MET: variants seen among roughly 807,000 people sequenced by gnomAD.
The protein encoded by MET is hepatocyte growth factor receptor.
Under a neutral mutation model 133.1 loss-of-function variants are expected in MET, and 48 were observed. That is an observed-to-expected ratio of 0.36 (90% CI 0.29 to 0.46). The LOEUF (loss-of-function observed/expected upper bound fraction) is 0.46, where lower values mean the gene tolerates loss of function less well. MET is among the 20% of genes least tolerant of loss of function. The pLI is 1.00. For missense variants in MET, 1,442 were observed against 1,695.9 expected, an observed-to-expected ratio of 0.85 and a Z score of 2.63; for synonymous variants, 628 against 616.5, an observed-to-expected ratio of 1.02 and a Z score of -0.28.
intron 2 of MET, chr7:116,724,964 AAATGCTAAGGTCATGCAACTCATC>A (rs1315302912): frequency 4.2e-5 from 37 of 886,462 alleles, no homozygotes; most frequent in Non-Finnish European, 5.7e-5. Flanking sequence ...CACTAGGAAC[AAATGCTAAGGTCATGCAACTCATC>A]AATGCCTCCC....
intron 9 of MET, 116 bp from the exon 10 acceptor site, chr7:116,759,275 T>G: frequency 6.8e-7 from 1 of 1,469,524 alleles, no homozygotes; most frequent in Non-Finnish European, 9.2e-7. Flanking sequence ...TTCCATTTGA[T>G]GTTGACTGTG....
intron 6 of MET, among the ~76,000 whole-genome samples, chr7:116,757,099 A>G (rs1327962009): frequency 6.6e-6 from 1 of 151,924 alleles, no homozygotes; most frequent in East Asian, 1.9e-4. Context: ...TTAATTAACC[A>G]GATGCCGTGG....
At chr7:116,684,969 G>A (rs929303688) in intron 1 of MET, among the ~76,000 whole-genome samples, 6 of 152,150 alleles carry the variant, frequency 3.9e-5, no homozygotes, top group Non-Finnish European at 7.4e-5. Flanking sequence ...CCTGACCATG[G>A]GCATGGAAGC....
chr7:116,726,667 C>G (rs552625914), intron 2 of MET, among the ~76,000 whole-genome samples: 1 of 152,256 alleles, frequency 6.6e-6, no homozygotes, highest in East Asian at 1.9e-4. Context: ...CTCGGGATAA[C>G]CACTCTGAGA....
rs2116828679 is a variant in MET at position 116,740,092 on chromosome 7, G to C, written c.1527+8G>C. On this transcript the variant is annotated splice_region_variant and intron_variant, in intron 4 of 20. Transcript: ENST00000397752. Reference sequence around the variant, plus strand: ...GTTATCACTGGGAAGAAGGTAAGCTGTTCCCACAGGGAATTTCCATAGACG... The same window carrying C: ...GTTATCACTGGGAAGAAGGTAAGCTCTTCCCACAGGGAATTTCCATAGACG... 1 of 1,613,962 alleles carries C rather than the reference G, an allele frequency of 6.2e-7. No homozygotes were observed. The highest frequency in any genetic ancestry group is 8.5e-7 in the Non-Finnish European group (1 of 1,179,872).
rs879254339 is a variant in MET, at chr7:116,699,446, T to C, written c.362T>C (p.Val121Ala). ...AAAGATAACATCAACATGGCTCTAG[T>C]TGTCGACACCTACTATGATGATCAA... ...VWKDNINMAL[V>A]VDTYYDDQLI... Residue 121 changes from valine (V) to alanine (A), a missense_variant, in exon 2 of 21, where the codon GTT (valine) becomes GCT (alanine). Coordinates refer to ENST00000397752, the MANE Select transcript of MET (RefSeq NM_000245.4). 11 of 1,613,942 alleles carry C rather than the reference T, an allele frequency of 6.8e-6. No homozygotes were observed. Among genetic ancestry groups the C allele is most frequent in the South Asian group, 2.2e-5 (2 of 91,094 alleles).
At chr7:116,758,837 T>C (rs1794288242) in intron 9 of MET, among the ~76,000 whole-genome samples, 1 of 152,218 alleles carries the variant, frequency 6.6e-6, no homozygotes, top group Non-Finnish European at 1.5e-5. Flanking sequence ...TCTTATCCTG[T>C]TCTATTACAT....
chr7:116,780,107 G>GA (rs1795110539), intron 17 of MET, among the ~76,000 whole-genome samples: 1 of 152,166 alleles, frequency 6.6e-6, no homozygotes, highest in Non-Finnish European at 1.5e-5. Flanking sequence ...ATTGTTGAAT[G>GA]AATCAGCTAA....
At chr7:116,756,802 A>G (rs1298999049) in intron 6 of MET, among the ~76,000 whole-genome samples, 2 of 152,204 alleles carry the variant, frequency 1.3e-5, no homozygotes, top group Non-Finnish European at 2.9e-5. Flanking sequence ...TCTGAAGTGG[A>G]CCAAAGATTA....
At chr7:116,772,892 T>C (rs1225003038) in intron 14 of MET, among the ~76,000 whole-genome samples, 1 of 152,206 alleles carries the variant, frequency 6.6e-6, no homozygotes, top group Non-Finnish European at 1.5e-5. Flanking sequence ...TTTGCCCTGA[T>C]TCCATTCACC....
chr7:116,701,323 G>T (rs894167708), intron 2 of MET, among the ~76,000 whole-genome samples: 1 of 152,044 alleles, frequency 6.6e-6, no homozygotes, highest in Non-Finnish European at 1.5e-5. Context: ...ACTTTAACAG[G>T]TTTCAATCTA....
At position 116,774,938 on chromosome 7, in the gene MET, C is replaced by T. The variant is rs1442033161; in HGVS notation, c.3086C>T (p.Thr1029Ile). ...TGCCGACAAGTGCAGTATCCTCTGA[C>T]AGACATGTCCCCCATCCTAACTAGT... ...GSCRQVQYPL[T>I]DMSPILTSGD... Residue 1029 changes from threonine (T) to isoleucine (I), a missense_variant, in exon 15 of 21, where the codon ACA (threonine) becomes ATA (isoleucine). Thr to Ile is a moderately conservative substitution (Grantham distance 89). Around this residue, in one of 6 missense-constraint regions of MET, gnomAD observed 514 missense variants for 659.6 expected, o/e 0.78. Coordinates refer to ENST00000397752, the MANE Select transcript of MET (RefSeq NM_000245.4). 1.2e-6 allele frequency: 2 copies of T among 1,614,188 alleles called. No homozygotes were observed. Among genetic ancestry groups the T allele is most frequent in the Admixed American group, 1.7e-5 (1 of 60,026 alleles).
At chr7:116,723,901 A>G (rs909791844) in intron 2 of MET, among the ~76,000 whole-genome samples, 107 of 152,302 alleles carry the variant, frequency 7.0e-4, no homozygotes, top group African/African-American at 2.4e-3. Context: ...TCAGACAGGG[A>G]CATTTAAGTC....
chr7:116,716,477 G>GAAAGAAAGA (rs1792224997), intron 2 of MET, among the ~76,000 whole-genome samples: 3 of 99,804 alleles, frequency 3.0e-5, no homozygotes, highest in African/African-American at 1.3e-4. Context: ...GAGAAAGAAA[G>GAAAGAAAGA]AAAGAAAGAA....
At chr7:116,698,963 A>T in intron 1 of MET, 108 bp from the exon 2 acceptor site, 2 of 1,498,358 alleles carry the variant, frequency 1.3e-6, no homozygotes, top group Admixed American at 1.9e-5. Flanking sequence ...TCTATGTAAA[A>T]GTCCAGTTGG....
intron 1 of MET, among the ~76,000 whole-genome samples, chr7:116,691,849 T>C (rs1408406328): frequency 1.3e-5 from 2 of 152,192 alleles, no homozygotes; most frequent in African/African-American, 4.8e-5. Context: ...CCAAGCTCCG[T>C]GTCAAGAGAA....
intron 2 of MET, among the ~76,000 whole-genome samples, chr7:116,725,465 CAT>C (rs71314626): frequency 1.2e-3 from 176 of 144,802 alleles, no homozygotes; most frequent in African/African-American, 1.3e-3. Flanking sequence ...TTATGATATA[CAT>C]ATATATATAT....
At chr7:116,728,887 G>A (rs1792890909) in intron 2 of MET, among the ~76,000 whole-genome samples, 1 of 152,138 alleles carries the variant, frequency 6.6e-6, no homozygotes, top group African/African-American at 2.4e-5. Flanking sequence ...CAAGTTTGAG[G>A]CTTTAAAGTT....
At chr7:116,696,474 AC>A (rs1186664981) in intron 1 of MET, among the ~76,000 whole-genome samples, 3 of 152,302 alleles carry the variant, frequency 2.0e-5, no homozygotes, top group African/African-American at 7.2e-5. Context: ...AACATCTGAT[AC>A]TACTATAGAA....
Sources: gnomAD v4.1 joint callset for allele counts (sites outside exome capture counted in the v4.1 genomes callset) on GRCh38, gnomAD v4.1.1 for gene constraint, gnomAD v4.1.1 regional missense constraint, MANE v1.5 for transcripts, NCBI Gene and HGNC (gene_info 2026-07-23, HGNC 2026-07-21) for gene names.